EIF3M: variants seen among roughly 807,000 people sequenced by gnomAD.
EIF3M encodes eukaryotic translation initiation factor 3 subunit M.
EIF3M carries 25 observed loss-of-function variants against 49.7 expected under a neutral mutation model. The ratio of observed to expected loss-of-function variants is 0.50; its 90% CI spans 0.37 to 0.70. The LOEUF is 0.70. Among genes scored for constraint, EIF3M ranks in the 30% least tolerant of loss-of-function variants. The pLI is 0.00. For missense variants in EIF3M, 350 were observed against 440.0 expected, an observed-to-expected ratio of 0.80 and a Z score of 1.83; for synonymous variants, 156 against 149.8, an observed-to-expected ratio of 1.04 and a Z score of -0.30.
In EIF3M at chr11:32,602,705, G is replaced by T; in HGVS notation, c.*306G>T. ...CTTCACATTAGAAAAACTTGGAAAA[G>T]CAAAGACAAACTGTAGAGCTTTAAA... On this transcript the variant is annotated 3_prime_UTR_variant, in exon 11 of 11. Transcript: ENST00000531120. The T allele has an allele frequency of 1.0e-6, 1 of 981,310 alleles. No homozygotes were observed. The allele number at this position is 981,310 out of a possible 1,614,324, so 60.8% of individuals were successfully genotyped here.
intron 1 of EIF3M, 96 bp downstream of exon 1, chr11:32,584,025 G>C: frequency 6.6e-7 from 1 of 1,504,040 alleles, no homozygotes; most frequent in Non-Finnish European, 9.1e-7. Context: ...GGCCGGGGCT[G>C]ACACCCGCAG....
chr11:32,595,070 T>G, intron 7 of EIF3M, 57 bp downstream of exon 7: 6 of 1,470,154 alleles, frequency 4.1e-6, no homozygotes, highest in Middle Eastern at 2.1e-4. Context: ...TTTTACATAC[T>G]GAAGCAGGAC....
chr11:32,587,265 GCT>G, intron 2 of EIF3M, 121 bp downstream of exon 2: 2 of 971,160 alleles, frequency 2.1e-6, no homozygotes, highest in Non-Finnish European at 2.9e-6. Context: ...GATACAGAAG[GCT>G]GACTGTATTT....
At chr11:32,601,111 A>C (rs1255933039) in intron 9 of EIF3M, 1 of 225,408 alleles carries the variant, frequency 4.4e-6, no homozygotes, top group African/African-American at 2.3e-5. Flanking sequence ...TGTGGATTTA[A>C]GACCAGGCCC....
At chr11:32,599,106 C>G (rs1460601767) in intron 8 of EIF3M, among the ~76,000 whole-genome samples, 2 of 152,006 alleles carry the variant, frequency 1.3e-5, no homozygotes, top group African/African-American at 4.8e-5. Context: ...CCACAAGTTG[C>G]AATCAGTTTG....
At position 32,595,021 on chromosome 11, in the gene EIF3M, G is replaced by A; in HGVS notation, c.717+8G>A. 6.2e-7 allele frequency: 1 copy of A among 1,607,580 alleles called. No individual in the cohort carries two copies. Among genetic ancestry groups the A allele is most frequent in the Non-Finnish European group, 8.5e-7 (1 of 1,177,954 alleles). On this transcript the variant is annotated splice_region_variant and intron_variant, in intron 7 of 10. Coordinates refer to ENST00000531120, the MANE Select transcript of EIF3M (RefSeq NM_006360.6). Reference sequence around the variant, plus strand: ...GGCGAGCTTATTCATGATGTAAGTAGTTTATCCTTTAATGTGAAAAATGTT... The same window carrying A: ...GGCGAGCTTATTCATGATGTAAGTAATTTATCCTTTAATGTGAAAAATGTT...
At chr11:32,598,190 C>T (rs1855208623) in intron 8 of EIF3M, among the ~76,000 whole-genome samples, 1 of 152,136 alleles carries the variant, frequency 6.6e-6, no homozygotes, top group Non-Finnish European at 1.5e-5. Flanking sequence ...GACACTCCCC[C>T]ATTGATGTGT....
rs558120751 is a variant in EIF3M, at chr11:32,592,517, T to A, written c.534-1349T>A. ...AGAACTCTCTCTAGAAACAGCTGTC[T>A]TTGGTTCCATTGCACTCCTCAGCCT... On this transcript the variant is annotated intron_variant, in intron 5 of 10. Coordinates refer to ENST00000531120, the MANE Select transcript of EIF3M (RefSeq NM_006360.6). 6.0e-5 allele frequency: 32 copies of A among 528,972 alleles called. 1 individual carries two copies. Among genetic ancestry groups the A allele is most frequent in the South Asian group, 4.7e-4 (32 of 67,982 alleles). 32.8% of individuals were successfully genotyped at this position (528,972 alleles called of 1,614,324 possible).
At position 32,605,140 on chromosome 11, in the gene EIF3M, C is replaced by T. The variant is rs1479960968; in HGVS notation, c.*2741C>T. On this transcript the variant is annotated 3_prime_UTR_variant, in exon 11 of 11. Coordinates refer to ENST00000531120, the MANE Select transcript of EIF3M (RefSeq NM_006360.6). ...GTGTTGGGATTACAGGCATGAGCCA[C>T]CCTGCCCGACCTAGTAATACTTTTT... 3 of 151,808 alleles carry T rather than the reference C, an allele frequency of 2.0e-5. No individual in the cohort carries two copies. The highest frequency in any genetic ancestry group is 2.0e-4 in the Admixed American group (3 of 15,228). 9.4% of individuals were successfully genotyped at this position (151,808 alleles called of 1,614,324 possible). A position where few individuals can be genotyped will look rare whatever the true frequency, so the allele number is the denominator to read the frequency against.
At chr11:32,588,388 G>GAAAAAAAAAAAAAAAAAAAAAA (rs71463359) in intron 2 of EIF3M, among the ~76,000 whole-genome samples, 1 of 93,060 alleles carries the variant, frequency 1.1e-5, no homozygotes. Flanking sequence ...GACTTCATCT[G>GAAAAAAAAAAAAAAAAAAAAAA]AAAAAAAAAA....
chr11:32,592,583 A>G (rs113821756), intron 5 of EIF3M: 1 of 541,380 alleles, frequency 1.8e-6, no homozygotes, highest in Non-Finnish European at 3.6e-6. Context: ...CCTCTTCAAC[A>G]CAAGAGTAAG....
chr11:32,594,900 G>A lies in EIF3M; in HGVS notation c.618-14G>A. The A allele has an allele frequency of 6.3e-7, 1 of 1,595,118 alleles. No homozygotes were observed. Among genetic ancestry groups the A allele is most frequent in the Non-Finnish European group, 8.5e-7 (1 of 1,171,960 alleles). The stretch of plus-strand genomic sequence containing the variant: ...TTCAAAACCCTGAGCTTACATTTTT[G>A]TTCTCTAATTAAGGTGTATTGTACG... On this transcript the variant is annotated splice_polypyrimidine_tract_variant and intron_variant, in intron 6 of 10. Coordinates refer to ENST00000531120, the MANE Select transcript of EIF3M (RefSeq NM_006360.6).
intron 1 of EIF3M, among the ~76,000 whole-genome samples, chr11:32,585,727 A>G (rs947408311): frequency 2.6e-5 from 4 of 152,120 alleles, no homozygotes; most frequent in Admixed American, 1.3e-4. Context: ...CAACTCTTCT[A>G]TGAAGTTACT....
rs138626431 is a variant in EIF3M at position 32,588,686 on chromosome 11, C to T, written c.268C>T (p.Leu90=). The T allele has an allele frequency of 4.3e-6, 7 of 1,614,066 alleles. No individual in the cohort carries two copies. The African/African-American group carries it at 9.3e-5, about 22-fold the overall frequency. The change falls in exon 3 of 11, where the codon CTG becomes TTG. Residue 90 remains leucine (L), a synonymous_variant. Coordinates refer to ENST00000531120, the MANE Select transcript of EIF3M (RefSeq NM_006360.6). ...TTTGATTGAAAGCCTATGTGAAAAGCTGGTCAAATTTCGCGAAGGTGAACG... is the reference window on the plus strand; with the variant it reads ...TTTGATTGAAAGCCTATGTGAAAAGTTGGTCAAATTTCGCGAAGGTGAACG... ...EALIESLCEK[L]VKFREGERPS...
At chr11:32,594,446 A>G in intron 6 of EIF3M, 1 of 155,452 alleles carries the variant, frequency 6.4e-6, no homozygotes, top group Non-Finnish European at 1.4e-5. Context: ...GTTGGTAAAA[A>G]GGGAAGTTGG....
Position 32,587,116 on chromosome 11 carries a change from T to C in EIF3M, c.147T>C (p.Cys49=), listed in dbSNP as rs1434090056. The C allele has an allele frequency of 6.2e-7, 1 of 1,611,716 alleles. No individual in the cohort carries two copies. Among genetic ancestry groups the C allele is most frequent in the Admixed American group, 1.7e-5 (1 of 59,972 alleles). Residue 49 remains cysteine (C), a synonymous_variant, in exon 2 of 11, where the codon TGT becomes TGC. Coordinates refer to ENST00000531120, the MANE Select transcript of EIF3M (RefSeq NM_006360.6). ...ATTTAGCTCAAATTATTGAAGCCTG[T>C]GATGTGTGTCTGAAGGAGGATGATA... ...HVDLAQIIEA[C]DVCLKEDDKD...
At position 32,606,188 on chromosome 11, in the gene EIF3M, C is replaced by G. The variant is rs1855349252; in HGVS notation, c.*3789C>G. ...GAGAAAGTGGATTGGTACTTAATAC[C>G]TTCCCTGAATTTAACAGAATTGATG... On this transcript the variant is annotated 3_prime_UTR_variant, in exon 11 of 11. Coordinates refer to ENST00000531120, the MANE Select transcript of EIF3M (RefSeq NM_006360.6). 6.6e-6 allele frequency: 1 copy of G among 152,144 alleles called. No individual in the cohort carries two copies. The highest frequency in any genetic ancestry group is 2.1e-4 in the South Asian group (1 of 4,826). 9.4% of individuals were successfully genotyped at this position (152,144 alleles called of 1,614,324 possible).
intron 6 of EIF3M, 118 bp from the exon 7 acceptor site, chr11:32,594,796 T>A (rs1271333177): frequency 1.3e-6 from 1 of 764,724 alleles, no homozygotes; most frequent in African/African-American, 1.8e-5. Flanking sequence ...TAATGTTGTT[T>A]ATATGTTTTG....
At chr11:32,586,731 T>C (rs757136288) in intron 1 of EIF3M, among the ~76,000 whole-genome samples, 19 of 152,218 alleles carry the variant, frequency 1.2e-4, no homozygotes, top group Admixed American at 4.6e-4. Context: ...AGATTTTTGC[T>C]GTATGCTGGA....
Sources: gnomAD v4.1 joint callset for allele counts (sites outside exome capture counted in the v4.1 genomes callset) on GRCh38, gnomAD v4.1.1 for gene constraint, MANE v1.5 for transcripts, NCBI Gene and HGNC (gene_info 2026-07-23, HGNC 2026-07-21) for gene names.